Variants in USP15 observed in about 807,000 individuals in gnomAD.
USP15 encodes ubiquitin carboxyl-terminal hydrolase 15.
Under a neutral mutation model 127.1 loss-of-function variants are expected in USP15, and 18 were observed. The ratio of observed to expected loss-of-function variants is 0.14; its 90% CI spans 0.10 to 0.21. The LOEUF (loss-of-function observed/expected upper bound fraction) is 0.21. Among genes scored for constraint, USP15 ranks in the 10% least tolerant of loss-of-function variants. The pLI, the probability that USP15 is intolerant of heterozygous loss-of-function variation, is 1.00. For missense variants in USP15, 805 were observed against 1,159.9 expected, an observed-to-expected ratio of 0.69 and a Z score of 4.44; for synonymous variants, 364 against 393.7, an observed-to-expected ratio of 0.92 and a Z score of 0.89.
intron 1 of USP15, among the ~76,000 whole-genome samples, chr12:62,264,527 A>T (rs1336775818): frequency 6.6e-6 from 1 of 152,244 alleles, no homozygotes; most frequent in Non-Finnish European, 1.5e-5. Context: ...AACTTTACAG[A>T]GTAAGTAATT....
chr12:62,290,231 T>C (rs2137134566), intron 1 of USP15, among the ~76,000 whole-genome samples: 1 of 152,298 alleles, frequency 6.6e-6, no homozygotes, highest in East Asian at 1.9e-4. Context: ...CCCACTATTA[T>C]TGTATTGCTG....
intron 8 of USP15, among the ~76,000 whole-genome samples, chr12:62,376,210 T>C (rs993473754): frequency 6.6e-6 from 1 of 152,100 alleles, no homozygotes; most frequent in Non-Finnish European, 1.5e-5. Context: ...TTTGAAAATA[T>C]TTAAATATAA....
intron 8 of USP15, among the ~76,000 whole-genome samples, chr12:62,358,037 T>C (rs2066191692): frequency 6.6e-6 from 1 of 152,152 alleles, no homozygotes; most frequent in Admixed American, 6.6e-5. Context: ...TTTTAGAAAA[T>C]ATTATCAAAT....
At chr12:62,324,892 C>T (rs1375442368) in intron 5 of USP15, among the ~76,000 whole-genome samples, 3 of 151,796 alleles carry the variant, frequency 2.0e-5, no homozygotes, top group Non-Finnish European at 4.4e-5. Context: ...AAATATATTA[C>T]TAAGTGCATG....
At chr12:62,273,323 T>C (rs1017229599) in intron 1 of USP15, among the ~76,000 whole-genome samples, 1 of 152,076 alleles carries the variant, frequency 6.6e-6, no homozygotes, top group Non-Finnish European at 1.5e-5. Flanking sequence ...CTTAACAATA[T>C]TTTATTATGT....
chr12:62,262,663 G>T (rs886429269), intron 1 of USP15, among the ~76,000 whole-genome samples: 4 of 151,842 alleles, frequency 2.6e-5, no homozygotes, highest in Non-Finnish European at 5.9e-5. Context: ...ATATATGTGC[G>T]TGTGTGTGTG....
chr12:62,378,053 A>G (rs1466454239), intron 8 of USP15, among the ~76,000 whole-genome samples: 1 of 151,612 alleles, frequency 6.6e-6, no homozygotes, highest in African/African-American at 2.4e-5. Context: ...CAAAAAATAC[A>G]AAAATTAGCC....
intron 6 of USP15, chr12:62,328,151 A>G (rs186171470): frequency 3.0e-4 from 86 of 291,152 alleles, no homozygotes; most frequent in African/African-American, 1.3e-3. Context: ...CGTATATGAT[A>G]TAGTCATTTG....
At chr12:62,264,701 C>A (rs543598600) in intron 1 of USP15, among the ~76,000 whole-genome samples, 84 of 152,226 alleles carry the variant, frequency 5.5e-4, no homozygotes, top group African/African-American at 1.9e-3. Flanking sequence ...TTTATTTGAT[C>A]CCTTATGTTC....
chr12:62,396,916 G>A (rs2067510380), intron 20 of USP15, among the ~76,000 whole-genome samples: 1 of 152,130 alleles, frequency 6.6e-6, no homozygotes, highest in Non-Finnish European at 1.5e-5. Context: ...CTGTAAGACT[G>A]ATAAACCATT....
intron 6 of USP15, among the ~76,000 whole-genome samples, chr12:62,334,437 A>T (rs1285205922): frequency 6.6e-6 from 1 of 152,320 alleles, no homozygotes; most frequent in African/African-American, 2.4e-5. Context: ...AAAACAATTT[A>T]TATATAGTAT....
At chr12:62,377,148 A>G (rs2066856977) in intron 8 of USP15, among the ~76,000 whole-genome samples, 1 of 152,166 alleles carries the variant, frequency 6.6e-6, no homozygotes, top group Admixed American at 6.5e-5. Context: ...ACATCAGGGT[A>G]AATTAGGTAT....
chr12:62,401,448 T>A (rs2067685038), intron 21 of USP15, among the ~76,000 whole-genome samples, 173 bp downstream of exon 21: 3 of 151,994 alleles, frequency 2.0e-5, no homozygotes, highest in South Asian at 2.1e-4. Context: ...AAATGGAAAT[T>A]TGTCTTCTAA....
intron 19 of USP15, 142 bp from the exon 20 acceptor site, chr12:62,396,153 G>GATAT (rs143018114): frequency 1.2e-4 from 41 of 340,220 alleles, no homozygotes; most frequent in African/African-American, 2.9e-4. Flanking sequence ...TCCTTAGTGA[G>GATAT]ATATATATAT....
rs563293443 is a variant in USP15 at position 62,380,396 on chromosome 12, G to A, written c.916-1094G>A. 8.5e-4 allele frequency among the ~76,000 whole-genome samples: 129 copies of A among 152,006 alleles called. 1 individual carries two copies. The highest frequency in any genetic ancestry group is 1.4e-3 in the Admixed American group (21 of 15,250). ...GCTAAACAATGCATAGTATATAGTC[G>A]TAGTTTATGGCATGTAAGTTATCTG... On this transcript the variant is annotated intron_variant, in intron 8 of 21. Coordinates refer to ENST00000280377, the MANE Select transcript of USP15 (RefSeq NM_001252078.2).
rs751930272 is a variant in USP15 at position 62,390,970 on chromosome 12, G to A, written c.1951G>A (p.Gly651Ser). Residue 651 changes from glycine (G) to serine (S), a missense_variant, in exon 15 of 22, where the codon GGC becomes AGC. Coordinates refer to ENST00000280377, the MANE Select transcript of USP15 (RefSeq NM_001252078.2). ...GNGPNGIHEEGSPSEMETDEP... is the reference protein window; with the variant it reads ...GNGPNGIHEESSPSEMETDEP... ...TGGCCCAAATGGCATACATGAAGAA[G>A]GCTCACCAAGTAAGACTTTTCTGTT... 5 of 1,610,438 alleles carry A rather than the reference G, an allele frequency of 3.1e-6. No individual in the cohort carries two copies. The highest frequency in any genetic ancestry group is 4.2e-6 in the Non-Finnish European group (5 of 1,177,960).
chr12:62,284,658 ATC>A (rs575421395), intron 1 of USP15, among the ~76,000 whole-genome samples: 19 of 152,318 alleles, frequency 1.2e-4, no homozygotes, highest in African/African-American at 4.6e-4. Flanking sequence ...TGAGCTTTAA[ATC>A]TCTCATTAAC....
chr12:62,354,453 T>C lies in USP15; in HGVS notation c.771-878T>C, dbSNP rs373033921. Reference sequence around the variant, plus strand: ...AGATTGAAAGCATGCTTTTGAATTATATCCAAAATATTCATCATACATATT... The same window carrying C: ...AGATTGAAAGCATGCTTTTGAATTACATCCAAAATATTCATCATACATATT... On this transcript the variant is annotated intron_variant, in intron 7 of 21. Transcript: ENST00000280377. Among the ~76,000 whole-genome samples the C allele has an allele frequency of 5.9e-5, 9 of 151,850 alleles. No homozygotes were observed. The East Asian group carries it at 1.3e-3, about 23-fold the overall frequency.
intron 6 of USP15, chr12:62,335,161 T>C: frequency 6.5e-7 from 1 of 1,535,708 alleles, no homozygotes. Context: ...TTCTCCTTTT[T>C]CTAGAAAGCC....
Sources: allele counts gnomAD v4.1 joint callset (sites outside exome capture counted in the v4.1 genomes callset), GRCh38; gene constraint gnomAD v4.1.1; transcripts MANE v1.5; gene names NCBI Gene and HGNC (gene_info 2026-07-23, HGNC 2026-07-21).